Variants in EPG5 observed in about 807,000 individuals in gnomAD.
The protein encoded by EPG5 is ectopic P-granules 5 autophagy tethering factor.
A neutral mutation model predicts 302.7 loss-of-function variants in EPG5; 159 were observed. The observed-to-expected ratio is 0.53, with a 90% CI of 0.46 to 0.60. The LOEUF is 0.60. Ranked by LOEUF, EPG5 falls within the 20% of genes least tolerant of loss-of-function variation. EPG5 has a pLI of 0.00. For missense variants in EPG5, 2,896 were observed against 3,092.4 expected (o/e 0.94, Z 1.51); for synonymous variants, 1,158 against 1,136.8 (o/e 1.02, Z -0.37).
chr18:45,874,752 T>A (rs896778741), intron 35 of EPG5, among the ~76,000 whole-genome samples: 4 of 152,180 alleles, frequency 2.6e-5, no homozygotes, highest in Non-Finnish European at 5.9e-5. Context: ...GTGGGGACAC[T>A]GCCAAACCAT....
chr18:45,960,295 A>C (rs867401918), intron 1 of EPG5, among the ~76,000 whole-genome samples: 4 of 152,218 alleles, frequency 2.6e-5, no homozygotes, highest in African/African-American at 7.2e-5. Flanking sequence ...ACAAGGTCTC[A>C]CTGTGTTGCC....
At position 45,912,472 on chromosome 18, in the gene EPG5, G is replaced by C; in HGVS notation, c.3817-16C>G. 10 of 1,581,766 alleles carry C rather than the reference G, an allele frequency of 6.3e-6. No homozygotes were observed. The highest frequency in any genetic ancestry group is 8.5e-6 in the Non-Finnish European group (10 of 1,169,920). The stretch of plus-strand genomic sequence containing the variant: ...TCTGGGCTTTCTACAAAAAAGAAAG[G>C]GCTTTGAGTAGCCACAAAATGAACA... On this transcript the variant is annotated splice_polypyrimidine_tract_variant and intron_variant, in intron 21 of 43. Coordinates refer to ENST00000282041, the MANE Select transcript of EPG5 (RefSeq NM_020964.3).
At chr18:45,959,706 G>A (rs1206054554) in intron 1 of EPG5, among the ~76,000 whole-genome samples, 5 of 150,984 alleles carry the variant, frequency 3.3e-5, no homozygotes, top group Admixed American at 1.3e-4. Flanking sequence ...AGGCCTGGGT[G>A]CAGTGGCTCA....
the EPG5 span, among the ~76,000 whole-genome samples, chr18:45,811,635 C>G: frequency 6.6e-6 from 1 of 152,140 alleles, no homozygotes; most frequent in Non-Finnish European, 1.5e-5. Flanking sequence ...TAAACATAAT[C>G]CAGCATATAA....
chr18:45,917,200 C>T (rs2050052106), intron 17 of EPG5, among the ~76,000 whole-genome samples: 1 of 152,208 alleles, frequency 6.6e-6, no homozygotes, highest in Non-Finnish European at 1.5e-5. Flanking sequence ...CCCCTTTCAT[C>T]ACTGTTCATG....
intron 27 of EPG5, among the ~76,000 whole-genome samples, chr18:45,891,954 G>T (rs1226620663): frequency 6.6e-6 from 1 of 152,092 alleles, no homozygotes; most frequent in Non-Finnish European, 1.5e-5. Context: ...AGTTAGACCG[G>T]GACTATGCGT....
At chr18:45,938,285 A>G (rs889652153) in intron 10 of EPG5, among the ~76,000 whole-genome samples, 2 of 152,076 alleles carry the variant, frequency 1.3e-5, no homozygotes, top group Non-Finnish European at 2.9e-5. Context: ...ACATGGTGAA[A>G]CCCCGTCTCT....
chr18:45,858,100 G>C, intron 41 of EPG5, 32 bp from the exon 42 acceptor site: 1 of 1,565,708 alleles, frequency 6.4e-7, no homozygotes, highest in South Asian at 1.1e-5. Flanking sequence ...AATAAAATTA[G>C]AAGTAAATTT....
chr18:45,828,489 C>T, the EPG5 span, among the ~76,000 whole-genome samples: 1 of 152,110 alleles, frequency 6.6e-6, no homozygotes, highest in East Asian at 1.9e-4. Flanking sequence ...CTCCAACCAC[C>T]CGAGTGACCT....
rs754874311 is a variant in EPG5 at position 45,916,933 on chromosome 18, T to C, written c.3240-351A>G. 92 of 164,286 alleles carry C rather than the reference T, an allele frequency of 5.6e-4. 1 individual carries two copies. Among genetic ancestry groups the C allele is most frequent in the Non-Finnish European group, 1.3e-4 (10 of 75,596 alleles). 10.2% of individuals were successfully genotyped at this position (164,286 alleles called of 1,614,324 possible). A position where few individuals can be genotyped will look rare whatever the true frequency, so the allele number is the denominator to read the frequency against. ...CCATTCAGTTTCCAAACTTGCCTCA[T>C]ACCCAGGGTGCTGATTCTTAAAAAG... On this transcript the variant is annotated intron_variant, in intron 17 of 43. Coordinates refer to ENST00000282041, the MANE Select transcript of EPG5 (RefSeq NM_020964.3).
intron 42 of EPG5, 111 bp from the exon 43 acceptor site, chr18:45,855,798 C>T (rs891743439): frequency 1.4e-6 from 1 of 696,014 alleles, no homozygotes; most frequent in Non-Finnish European, 2.5e-6. Context: ...TCCAGATCTA[C>T]TGTGTTGTTC....
rs545561859 is a variant in EPG5, at chr18:45,901,395, G to GCTAA, written c.4475-232_4475-229dup. On this transcript the variant is annotated intron_variant, in intron 25 of 43. Coordinates refer to ENST00000282041, the MANE Select transcript of EPG5 (RefSeq NM_020964.3). Reference sequence around the variant, plus strand: ...GTAAAGCTACTATCTAGTGCCTTACGCTAATATCACGTGGATCTAGTGAAC... The same window carrying GCTAA: ...GTAAAGCTACTATCTAGTGCCTTACGCTAACTAATATCACGTGGATCTAGTGAAC... 1.9e-3 allele frequency among the ~76,000 whole-genome samples: 287 copies of GCTAA among 152,200 alleles called. No homozygotes were observed. The Middle Eastern group carries it at 0.02, about 11-fold the overall frequency.
In EPG5 at chr18:45,916,109, C is replaced by T; in HGVS notation, c.3482G>A (p.Arg1161Gln). 6.2e-7 allele frequency: 1 copy of T among 1,614,108 alleles called. No individual in the cohort carries two copies. Among genetic ancestry groups the T allele is most frequent in the South Asian group, 1.1e-5 (1 of 91,080 alleles). ...QALISQHLWYREQPILFLMDH... is the reference protein window; with the variant it reads ...QALISQHLWYQEQPILFLMDH... ...CATGAGGAAGAGGATAGGTTGTTCT[C>T]GGTACCAGAGATGCTGGCTTATGAG... The change falls in exon 19 of 44, where the codon CGA (arginine) becomes CAA (glutamine). Residue 1161 changes from arginine (R) to glutamine (Q), a missense_variant. By Grantham distance (43) the Arg-to-Gln change is conservative. Around this residue, in one of 5 missense-constraint regions of EPG5, gnomAD observed 1,390 missense variants for 1,430.0 expected, o/e 0.97. Transcript: ENST00000282041.
chr18:45,887,989 C>T, intron 28 of EPG5, 82 bp from the exon 29 acceptor site: 3 of 1,106,762 alleles, frequency 2.7e-6, no homozygotes, highest in Non-Finnish European at 3.7e-6. Context: ...CCTACAATTT[C>T]TCAGGCAATA....
chr18:45,913,923 T>C, intron 20 of EPG5, 95 bp from the exon 21 acceptor site: 1 of 1,454,772 alleles, frequency 6.9e-7, no homozygotes, highest in Non-Finnish European at 9.3e-7. Context: ...TCTTCCTATC[T>C]CAAGCTCAAT....
intron 5 of EPG5, 38 bp downstream of exon 5, chr18:45,949,446 C>A: frequency 7.7e-7 from 1 of 1,299,164 alleles, no homozygotes; most frequent in East Asian, 2.4e-5. Flanking sequence ...TAAAACCTCT[C>A]CCCCAACCCC....
intron 10 of EPG5, among the ~76,000 whole-genome samples, chr18:45,935,363 T>C (rs11665105): frequency 6.6e-6 from 1 of 152,108 alleles, no homozygotes; most frequent in African/African-American, 2.4e-5. Context: ...ACCAACATGG[T>C]GAAACCCCAT....
chr18:45,946,758 C>G lies in EPG5; in HGVS notation c.1582G>C (p.Glu528Gln). 1 of 1,614,192 alleles carries G rather than the reference C, an allele frequency of 6.2e-7. No individual in the cohort carries two copies. The highest frequency in any genetic ancestry group is 8.5e-7 in the Non-Finnish European group (1 of 1,180,010). Residue 528 changes from glutamate (E) to glutamine (Q), a missense_variant, in exon 7 of 44, where the codon GAG (glutamate) becomes CAG (glutamine). By Grantham distance (29) the Glu-to-Gln change is conservative. This residue lies in a region of EPG5 where 1,390 missense variants were observed against 1,430.0 expected (regional missense o/e 0.97). Transcript: ENST00000282041. ...LLMSPVKNRA[E>Q]FMCHMKPSER... ...CTGGGCTTCATGTGGCACATAAACT[C>G]AGCTCGATTTCTAAAGGACAAGAAT...
Position 45,954,785 on chromosome 18 carries a change from C to A in EPG5, c.617G>T (p.Gly206Val), listed in dbSNP as rs779820586. Residue 206 changes from glycine (G) to valine (V), a missense_variant, in exon 2 of 44, where the codon GGT becomes GTT. Gly to Val is a moderately radical substitution (Grantham distance 109). Around this residue, in one of 5 missense-constraint regions of EPG5, gnomAD observed 1,390 missense variants for 1,430.0 expected, o/e 0.97. Transcript: ENST00000282041. Reference protein sequence around the residue: ...GLQSSCPAKHGFQTPRVKKLY... With the variant: ...GLQSSCPAKHVFQTPRVKKLY... ...TTTCTTCACTCTAGGTGTCTGAAAA[C>A]CATGTTTGGCTGGGCAAGAACTCTG... The A allele has an allele frequency of 1.2e-6, 2 of 1,613,932 alleles. No homozygotes were observed. The highest frequency in any genetic ancestry group is 1.7e-6 in the Non-Finnish European group (2 of 1,179,952).
Sources: gnomAD v4.1 joint callset for allele counts (sites outside exome capture counted in the v4.1 genomes callset) on GRCh38, gnomAD v4.1.1 for gene constraint, gnomAD v4.1.1 regional missense constraint, MANE v1.5 for transcripts, NCBI Gene and HGNC (gene_info 2026-07-23, HGNC 2026-07-21) for gene names.